The following OXR1 variants were observed in gnomAD, a reference collection of about 807,000 sequenced individuals.
OXR1 encodes the protein oxidation resistance 1, also known as oxidation resistance protein 1.
OXR1 carries 41 observed loss-of-function variants against 104.6 expected under a neutral mutation model. That is an observed-to-expected ratio of 0.39 (90% CI 0.31 to 0.51). The LOEUF (loss-of-function observed/expected upper bound fraction) is 0.51, where lower values mean the gene tolerates loss of function less well. Ranked by LOEUF, OXR1 falls within the 20% of genes least tolerant of loss-of-function variation. OXR1 has a pLI of 0.77. For missense variants in OXR1, 955 were observed against 1,031.9 expected (o/e 0.93, Z 1.02); for synonymous variants, 348 against 348.4 (o/e 1.00, Z 0.01).
chr8:106,589,340 CTT>C (rs71562109), intron 3 of OXR1, among the ~76,000 whole-genome samples: 7 of 137,060 alleles, frequency 5.1e-5, no homozygotes, highest in East Asian at 2.1e-4. Context: ...GCCCTGGAGC[CTT>C]TTTTTTTTTT....
intron 2 of OXR1, among the ~76,000 whole-genome samples, chr8:106,415,168 A>T (rs1818620698): frequency 6.6e-6 from 1 of 152,296 alleles, no homozygotes; most frequent in East Asian, 1.9e-4. Flanking sequence ...ATGCCTTAAC[A>T]GTGCCATAAT....
rs150724268 is a variant in OXR1 at position 106,673,410 on chromosome 8, G to A, written c.221-5800G>A. ...TGTTCAAGAGGTGACCTGGGTGACCGTAAAATCAGTCAGTTTTATGGATTC... is the reference window on the plus strand; with the variant it reads ...TGTTCAAGAGGTGACCTGGGTGACCATAAAATCAGTCAGTTTTATGGATTC... On this transcript the variant is annotated intron_variant, in intron 3 of 16. Transcript: ENST00000517566. Among the ~76,000 whole-genome samples, 304 of 152,266 alleles carry A rather than the reference G, an allele frequency of 2.0e-3. 3 individuals carry two copies. Among genetic ancestry groups the A allele is most frequent in the African/African-American group, 6.8e-3 (281 of 41,556 alleles).
intron 3 of OXR1, among the ~76,000 whole-genome samples, chr8:106,592,024 G>T (rs553933740): frequency 6.6e-6 from 1 of 152,270 alleles, no homozygotes; most frequent in East Asian, 1.9e-4. Flanking sequence ...AACACTGTCT[G>T]TCACCCAGAT....
At chr8:106,738,932 C>T (rs1834648576) in intron 12 of OXR1, among the ~76,000 whole-genome samples, 1 of 151,792 alleles carries the variant, frequency 6.6e-6, no homozygotes, top group Non-Finnish European at 1.5e-5. Flanking sequence ...GTCAGTGAAA[C>T]AAATACATGC....
Position 106,569,337 on chromosome 8 carries a change from A to G in OXR1, c.220+50198A>G, listed in dbSNP as rs1468108029. 2.0e-5 allele frequency among the ~76,000 whole-genome samples: 3 copies of G among 152,196 alleles called. No individual in the cohort carries two copies. In the East Asian group the frequency reaches 5.8e-4, roughly 29 times the overall value. ...AAGTAATCTACTCACAATTTAGGGA[A>G]TCATTACATATTGCCAATTGTTCTC... On this transcript the variant is annotated intron_variant, in intron 3 of 16. Coordinates refer to ENST00000517566, the MANE Select transcript of OXR1 (RefSeq NM_001198533.2).
chr8:106,681,732 C>T (rs1230873769), intron 4 of OXR1, among the ~76,000 whole-genome samples: 1 of 152,056 alleles, frequency 6.6e-6, no homozygotes, highest in Non-Finnish European at 1.5e-5. Flanking sequence ...GCCATGTTGT[C>T]CAAGCTGGTC....
intron 2 of OXR1, among the ~76,000 whole-genome samples, chr8:106,511,668 G>T (rs1314910236): frequency 6.6e-6 from 1 of 152,162 alleles, no homozygotes; most frequent in Non-Finnish European, 1.5e-5. Context: ...TGCTTTAATA[G>T]AAATGAACAT....
chr8:106,318,552 C>A (rs1249350507), intron 1 of OXR1, among the ~76,000 whole-genome samples: 2 of 152,210 alleles, frequency 1.3e-5, no homozygotes, highest in Non-Finnish European at 2.9e-5. Context: ...AGATTTCAGT[C>A]TTCTTTGAAA....
chr8:106,602,967 A>G (rs1820084432), intron 3 of OXR1, among the ~76,000 whole-genome samples: 1 of 152,108 alleles, frequency 6.6e-6, no homozygotes. Context: ...AAGATGATTT[A>G]TATTTACATT....
At chr8:106,424,416 A>G (rs1819027871) in intron 2 of OXR1, among the ~76,000 whole-genome samples, 1 of 152,162 alleles carries the variant, frequency 6.6e-6, no homozygotes, top group African/African-American at 2.4e-5. Context: ...AATATATAGT[A>G]TGGTAATTTC....
At chr8:106,649,798 G>A (rs1258490143) in intron 3 of OXR1, among the ~76,000 whole-genome samples, 4 of 152,054 alleles carry the variant, frequency 2.6e-5, no homozygotes, top group East Asian at 1.9e-4. Context: ...CCAGGTTCAC[G>A]CCATTCTCCT....
intron 11 of OXR1, among the ~76,000 whole-genome samples, chr8:106,718,170 T>G (rs1832449026): frequency 6.6e-6 from 1 of 152,226 alleles, no homozygotes; most frequent in Non-Finnish European, 1.5e-5. Context: ...TTTAACTTTA[T>G]GAACTCTATT....
At chr8:106,584,498 A>G (rs1818482380) in intron 3 of OXR1, among the ~76,000 whole-genome samples, 2 of 152,124 alleles carry the variant, frequency 1.3e-5, no homozygotes, top group Non-Finnish European at 2.9e-5. Context: ...AGATTCTTAA[A>G]TCATGAGGGA....
intron 3 of OXR1, among the ~76,000 whole-genome samples, chr8:106,537,934 C>T (rs919570563): frequency 6.6e-5 from 10 of 152,142 alleles, no homozygotes; most frequent in Non-Finnish European, 1.5e-4. Flanking sequence ...ACACCACCTT[C>T]CCACCTCCTC....
intron 3 of OXR1, among the ~76,000 whole-genome samples, chr8:106,537,930 C>T (rs185652504): frequency 6.0e-4 from 91 of 152,290 alleles, no homozygotes; most frequent in African/African-American, 2.2e-3. Context: ...CCTTACACCA[C>T]CTTCCCACCT....
At chr8:106,283,164 C>A (rs572323639) in intron 1 of OXR1, among the ~76,000 whole-genome samples, 2 of 152,310 alleles carry the variant, frequency 1.3e-5, no homozygotes, top group East Asian at 3.9e-4. Flanking sequence ...TAGCAGGTTT[C>A]ATGCCATTTG....
intron 1 of OXR1, among the ~76,000 whole-genome samples, chr8:106,297,436 A>C (rs2130071155): frequency 6.6e-6 from 1 of 152,262 alleles, no homozygotes; most frequent in East Asian, 1.9e-4. Flanking sequence ...GAGTGTGCTT[A>C]CACAAACCTA....
At chr8:106,376,697 T>C (rs1423812021) in intron 2 of OXR1, among the ~76,000 whole-genome samples, 1 of 152,216 alleles carries the variant, frequency 6.6e-6, no homozygotes, top group African/African-American at 2.4e-5. Context: ...CAGAAGTGGT[T>C]AGCCCTAAAT....
intron 3 of OXR1, among the ~76,000 whole-genome samples, chr8:106,566,652 T>C (rs1275732929): frequency 1.3e-5 from 2 of 152,208 alleles, no homozygotes; most frequent in Non-Finnish European, 2.9e-5. Context: ...ATCATTCCAC[T>C]ATAAAGACAC....
Sources: allele counts gnomAD v4.1 joint callset (sites outside exome capture counted in the v4.1 genomes callset), GRCh38; gene constraint gnomAD v4.1.1; transcripts MANE v1.5; gene names NCBI Gene and HGNC (gene_info 2026-07-23, HGNC 2026-07-21).